The following ROBO2 variants were observed in gnomAD, a reference collection of about 807,000 sequenced individuals.
ROBO2 encodes roundabout guidance receptor 2.
A neutral mutation model predicts 160.8 loss-of-function variants in ROBO2; 53 were observed. That is an observed-to-expected ratio of 0.33 (90% CI 0.26 to 0.41). The LOEUF (loss-of-function observed/expected upper bound fraction) is 0.41, where lower values mean the gene tolerates loss of function less well. Among genes scored for constraint, ROBO2 ranks in the 10% least tolerant of loss-of-function variants. The pLI, the probability that ROBO2 is intolerant of heterozygous loss-of-function variation, is 1.00. For missense variants in ROBO2, 1,577 were observed against 1,722.4 expected (o/e 0.92, Z 1.49); for synonymous variants, 664 against 611.7 (o/e 1.09, Z -1.26).
At chr3:76,452,143 A>T (rs1413283635) in intron 2 of ROBO2, among the ~76,000 whole-genome samples, 2 of 152,042 alleles carry the variant, frequency 1.3e-5, no homozygotes, top group Non-Finnish European at 2.9e-5. Context: ...AGAAATATTT[A>T]TGTTACTTTG....
chr3:76,480,707 A>C (rs754126644), intron 2 of ROBO2, among the ~76,000 whole-genome samples: 1 of 152,120 alleles, frequency 6.6e-6, no homozygotes, highest in African/African-American at 2.4e-5. Flanking sequence ...CATGCATCCC[A>C]ATATCTTTCT....
At chr3:76,698,640 C>T (rs970989443) in intron 2 of ROBO2, among the ~76,000 whole-genome samples, 1 of 152,134 alleles carries the variant, frequency 6.6e-6, no homozygotes, top group African/African-American at 2.4e-5. Context: ...TTCAAGTGCA[C>T]AGTGTCATTA....
intron 2 of ROBO2, among the ~76,000 whole-genome samples, chr3:77,416,678 C>T (rs9874056): frequency 0.046 from 6,426 of 140,818 alleles, 230 homozygotes; most frequent in South Asian, 0.15. Context: ...GATCATGCCA[C>T]TGCACTCTAG....
At chr3:76,873,570 A>AGTCGTCGTT (rs1390422214) in intron 2 of ROBO2, among the ~76,000 whole-genome samples, 4 of 152,168 alleles carry the variant, frequency 2.6e-5, no homozygotes, top group Admixed American at 1.3e-4. Context: ...TAGTAGTAGT[A>AGTCGTCGTT]GTAGTCGTCG....
intron 2 of ROBO2, among the ~76,000 whole-genome samples, chr3:77,278,215 A>G: frequency 6.6e-6 from 1 of 152,146 alleles, no homozygotes; most frequent in East Asian, 1.9e-4. Flanking sequence ...ATCTACTTAA[A>G]CAGCCATGCT....
In ROBO2 at chr3:77,277,472, G is replaced by A. The variant is rs571420501; in HGVS notation, c.388+179132G>A. Among the ~76,000 whole-genome samples, 8 of 151,938 alleles carry A rather than the reference G, an allele frequency of 5.3e-5. No individual in the cohort carries two copies. In the South Asian group the frequency reaches 1.3e-3, roughly 24 times the overall value. On this transcript the variant is annotated intron_variant, in intron 2 of 25. Coordinates refer to ENST00000461745, the Ensembl canonical transcript of ROBO2. Reference sequence around the variant, plus strand: ...ACTCCCACCACCCTCCCAACTACAGGCCCCAGTGTGTGTTGTTTCCCCACT... The same window carrying A: ...ACTCCCACCACCCTCCCAACTACAGACCCCAGTGTGTGTTGTTTCCCCACT...
intron 2 of ROBO2, among the ~76,000 whole-genome samples, chr3:76,713,982 CA>C (rs2093341052): frequency 6.6e-6 from 1 of 151,344 alleles, no homozygotes; most frequent in African/African-American, 2.4e-5. Context: ...AATGAGACTT[CA>C]GAAAATTATA....
At chr3:76,295,746 G>A (rs755103381) in intron 2 of ROBO2, among the ~76,000 whole-genome samples, 57 of 152,146 alleles carry the variant, frequency 3.7e-4, no homozygotes, top group Admixed American at 7.9e-4. Flanking sequence ...TACCACTTAA[G>A]TGGTGTCCCT....
At chr3:76,430,059 G>T (rs992097788) in intron 2 of ROBO2, among the ~76,000 whole-genome samples, 1 of 152,168 alleles carries the variant, frequency 6.6e-6, no homozygotes, top group Non-Finnish European at 1.5e-5. Flanking sequence ...AGGGACAGAG[G>T]TGAGGCAAAG....
chr3:76,926,589 T>C (rs1290013171), intron 2 of ROBO2, among the ~76,000 whole-genome samples: 2 of 152,232 alleles, frequency 1.3e-5, no homozygotes, highest in African/African-American at 4.8e-5. Flanking sequence ...ACTAATGTGA[T>C]TGTCCATTTG....
intron 2 of ROBO2, among the ~76,000 whole-genome samples, chr3:76,654,023 G>A (rs961634710): frequency 1.3e-5 from 2 of 152,218 alleles, no homozygotes; most frequent in Admixed American, 1.3e-4. Flanking sequence ...ACTGATGGAA[G>A]TGAGGGTCAG....
chr3:76,398,623 A>G (rs1444129683), intron 2 of ROBO2, among the ~76,000 whole-genome samples: 1 of 151,770 alleles, frequency 6.6e-6, no homozygotes, highest in Non-Finnish European at 1.5e-5. Context: ...AGTATACACT[A>G]AACTAATATA....
intron 8 of ROBO2, among the ~76,000 whole-genome samples, chr3:77,555,625 G>C (rs978711893): frequency 6.6e-6 from 1 of 151,854 alleles, no homozygotes; most frequent in Non-Finnish European, 1.5e-5. Flanking sequence ...ATTGTAATCA[G>C]CATTCTGTGA....
intron 2 of ROBO2, among the ~76,000 whole-genome samples, chr3:75,997,021 A>G (rs1209838063): frequency 1.3e-5 from 2 of 152,226 alleles, no homozygotes; most frequent in African/African-American, 4.8e-5. Context: ...AAGTAAGACT[A>G]CTACATCAAT....
chr3:76,006,276 A>C (rs910055865), intron 2 of ROBO2, among the ~76,000 whole-genome samples: 46 of 152,162 alleles, frequency 3.0e-4, no homozygotes, highest in Admixed American at 2.8e-3. Context: ...ATGTGATAGC[A>C]GAAAGGGTGA....
At chr3:76,798,912 A>ACAG (rs887436502) in intron 2 of ROBO2, among the ~76,000 whole-genome samples, 3 of 130,568 alleles carry the variant, frequency 2.3e-5, no homozygotes, top group African/African-American at 7.6e-5. Context: ...AACAACAACA[A>ACAG]CAACAAACCC....
At chr3:76,076,586 A>G (rs1322466461) in intron 2 of ROBO2, among the ~76,000 whole-genome samples, 1 of 152,238 alleles carries the variant, frequency 6.6e-6, no homozygotes, top group African/African-American at 2.4e-5. Flanking sequence ...TATGCAAGCT[A>G]TAAAATTAAT....
chr3:76,662,351 G>T lies in ROBO2; in HGVS notation c.110-435663G>T, dbSNP rs549618710. Among the ~76,000 whole-genome samples the T allele has an allele frequency of 5.3e-5, 8 of 152,016 alleles. No homozygotes were observed. In the East Asian group the frequency reaches 1.6e-3, roughly 29 times the overall value. On this transcript the variant is annotated intron_variant, in intron 2 of 26. Transcript: ENST00000487694. ...AAAAAAAATTTTTTTCATTATTGTGGGTACATAGTAGGTGTATATATTTAT... is the reference window on the plus strand; with the variant it reads ...AAAAAAAATTTTTTTCATTATTGTGTGTACATAGTAGGTGTATATATTTAT...
intron 2 of ROBO2, among the ~76,000 whole-genome samples, chr3:76,100,231 C>T (rs1415999793): frequency 2.0e-5 from 3 of 152,040 alleles, no homozygotes; most frequent in South Asian, 4.1e-4. Context: ...TTAGGGATGC[C>T]GGTTGGGAAG....
Sources: allele counts gnomAD v4.1 joint callset (sites outside exome capture counted in the v4.1 genomes callset), GRCh38; gene constraint gnomAD v4.1.1; transcripts MANE v1.5; gene names NCBI Gene and HGNC (gene_info 2026-07-23, HGNC 2026-07-21).